Variants in ATAD3B observed in about 807,000 individuals in gnomAD.
ATAD3B encodes ATPase family AAA domain containing 3B, also known as ATPase family AAA domain-containing protein 3B.
A neutral mutation model predicts 70.2 loss-of-function variants in ATAD3B; 59 were observed. The observed-to-expected ratio is 0.84, with a 90% CI of 0.68 to 1.04. The LOEUF (loss-of-function observed/expected upper bound fraction) is 1.04. ATAD3B is among the 50% of genes least tolerant of loss of function. The pLI is 0.00. For synonymous variants in ATAD3B, 423 were observed against 388.6 expected, an observed-to-expected ratio of 1.09 and a Z score of -1.04; for missense variants, 961 against 913.4, an observed-to-expected ratio of 1.05 and a Z score of -0.67.
At chr1:1,498,314 T>C (rs1486920286), downstream of ATAD3B, among the ~76,000 whole-genome samples, 1 of 150,970 alleles carries the variant, frequency 6.6e-6, no homozygotes, top group Non-Finnish European at 1.5e-5. Flanking sequence ...AAATATAAAA[T>C]AAAAATTAGC....
chr1:1,498,185 C>G (rs1454014672), downstream of ATAD3B, among the ~76,000 whole-genome samples: 2 of 152,008 alleles, frequency 1.3e-5, no homozygotes, highest in Non-Finnish European at 2.9e-5. Context: ...TGACTGTAAT[C>G]CCAGCTACTC....
In ATAD3B at chr1:1,497,473, C is replaced by T. The variant is rs1640828495; in HGVS notation, c.*1656C>T. On this transcript the variant is annotated 3_prime_UTR_variant, in exon 16 of 16. Transcript: ENST00000673477. ...CTCCAACTCTTGGCCTCAGGAGATC[C>T]TCCCGCCTCTACAGGATGAGCCACC... is the stretch of plus-strand genomic sequence containing the variant. The T allele has an allele frequency of 6.7e-6, 1 of 149,560 alleles. No individual in the cohort carries two copies. Among genetic ancestry groups the T allele is most frequent in the Non-Finnish European group, 1.5e-5 (1 of 67,610 alleles). 9.3% of individuals were successfully genotyped at this position (149,560 alleles called of 1,614,324 possible).
chr1:1,506,339 G>A, the ATAD3B span, among the ~76,000 whole-genome samples: 1 of 151,966 alleles, frequency 6.6e-6, no homozygotes, highest in Non-Finnish European at 1.5e-5. Context: ...AAATAATTCG[G>A]GTTTTACAGG....
intron 14 of ATAD3B, 56 bp from the exon 15 acceptor site, chr1:1,490,507 C>T: frequency 1.2e-6 from 2 of 1,611,148 alleles, no homozygotes; most frequent in Non-Finnish European, 1.7e-6. Context: ...CCGGCCTCCA[C>T]CTCATGGTGT....
At chr1:1,486,274 T>A in intron 10 of ATAD3B, 39 bp downstream of exon 10, 1 of 1,611,786 alleles carries the variant, frequency 6.2e-7, no homozygotes, top group Non-Finnish European at 8.5e-7. Flanking sequence ...CAGGGGCCGC[T>A]GGGGTCTCAC....
chr1:1,484,747 C>T lies in ATAD3B; in HGVS notation c.751-269C>T, dbSNP rs1286388535. 9.1e-6 allele frequency: 8 copies of T among 882,538 alleles called. No individual in the cohort carries two copies. The African/African-American group carries it at 1.3e-4, about 15-fold the overall frequency. The allele number at this position is 882,538 out of a possible 1,614,324, so 54.7% of individuals were successfully genotyped here. A position where few individuals can be genotyped will look rare whatever the true frequency, so the allele number is the denominator to read the frequency against. ...ACATCCAGCTGGGTCTGCCCAGGGCCCCGCTCAGCGACCGAGGCTTTCTAG... is the reference window on the plus strand; with the variant it reads ...ACATCCAGCTGGGTCTGCCCAGGGCTCCGCTCAGCGACCGAGGCTTTCTAG... On this transcript the variant is annotated intron_variant, in intron 7 of 15. Coordinates refer to ENST00000673477, the MANE Select transcript of ATAD3B (RefSeq NM_031921.6).
chr1:1,485,588 G>A (rs1444793481), intron 8 of ATAD3B, among the ~76,000 whole-genome samples, 194 bp from the exon 9 acceptor site: 2 of 152,064 alleles, frequency 1.3e-5, no homozygotes, highest in Non-Finnish European at 2.9e-5. Context: ...AGCCAATAAG[G>A]AACCGGAAAA....
rs192743556 is a variant in ATAD3B, at chr1:1,491,371, A to C, written c.1614+700A>C. ...TATGTCGAAACCCCGTCTCTACTAA[A>C]AATACAAAAATTAGCTGAGTTTGGT... On this transcript the variant is annotated intron_variant, in intron 15 of 15. Transcript: ENST00000673477. 8.6e-4 allele frequency among the ~76,000 whole-genome samples: 131 copies of C among 151,966 alleles called. 1 individual carries two copies. The highest frequency in any genetic ancestry group is 3.0e-3 in the African/African-American group (124 of 41,498).
At chr1:1,480,262 G>A (rs559705554) in intron 4 of ATAD3B, among the ~76,000 whole-genome samples, 3 of 118,742 alleles carry the variant, frequency 2.5e-5, no homozygotes, top group Non-Finnish European at 4.9e-5. Flanking sequence ...GCACACACAC[G>A]CCCTGCACAC....
the ATAD3B span, among the ~76,000 whole-genome samples, chr1:1,508,880 A>T: frequency 0.019 from 2,751 of 141,432 alleles, 13 homozygotes; most frequent in African/African-American, 0.043. Flanking sequence ...CGGCTGAGAC[A>T]CGCAGAGGGT....
Position 1,486,214 on chromosome 1 carries a change from C to T in ATAD3B, c.1068C>T (p.Thr356=), listed in dbSNP as rs150265264. 460 of 1,612,898 alleles carry T rather than the reference C, an allele frequency of 2.9e-4. 7 individuals are homozygous for T. Among genetic ancestry groups the T allele is most frequent in the Non-Finnish European group, 3.1e-4 (368 of 1,179,642 alleles). Residue 356 remains threonine (T), a synonymous_variant, in exon 10 of 16, where the codon ACC becomes ACT. Transcript: ENST00000673477. ...TCCTGCTGTATGGGCCACCAGGCAC[C>T]GGGAAGACGCTGTTTGCCAAGGTGA... ...RHILLYGPPG[T]GKTLFAKKLA... is the part of the protein sequence containing the mutation.
chr1:1,477,268 C>A lies in ATAD3B; in HGVS notation c.206-6C>A. The A allele has an allele frequency of 6.2e-7, 1 of 1,612,254 alleles. No homozygotes were observed. Among genetic ancestry groups the A allele is most frequent in the Non-Finnish European group, 8.5e-7 (1 of 1,179,616 alleles). ...CACCTGCTCTCCGTGCCACATGCGC[C>A]CGCAGGTTACGCCAAGGAGGCCCTG... On this transcript the variant is annotated splice_region_variant and splice_polypyrimidine_tract_variant and intron_variant, in intron 1 of 15. Coordinates refer to ENST00000673477, the MANE Select transcript of ATAD3B (RefSeq NM_031921.6).
At chr1:1,507,508 C>T in the ATAD3B span, among the ~76,000 whole-genome samples, 18 of 152,312 alleles carry the variant, frequency 1.2e-4, no homozygotes, top group Non-Finnish European at 1.9e-4. Flanking sequence ...ACATGATTTT[C>T]GTATGAACTA....
chr1:1,497,926 G>A (rs551606289), downstream of ATAD3B: 8 of 150,146 alleles, frequency 5.3e-5, 2 homozygotes, highest in South Asian at 8.4e-4. Flanking sequence ...AACACTTTCC[G>A]AGGCCTGGGC....
chr1:1,489,601 C>T (rs1640419968), intron 13 of ATAD3B: 6 of 1,232,732 alleles, frequency 4.9e-6, no homozygotes, highest in Non-Finnish European at 6.6e-6. Flanking sequence ...CCCAGAGGTC[C>T]CCAGTAGGGT....
intron 1 of ATAD3B, among the ~76,000 whole-genome samples, chr1:1,475,805 G>A (rs1261825272): frequency 3.3e-5 from 5 of 151,416 alleles, no homozygotes; most frequent in South Asian, 4.2e-4. Context: ...GAGGCCACAC[G>A]GGCACCTGAC....
Position 1,495,636 on chromosome 1 carries a change from A to G in ATAD3B, c.1766A>G (p.Gln589Arg). 6.2e-7 allele frequency: 1 copy of G among 1,612,980 alleles called. No individual in the cohort carries two copies. Among genetic ancestry groups the G allele is most frequent in the Non-Finnish European group, 8.5e-7 (1 of 1,179,394 alleles). The change falls in exon 16 of 16, where the codon CAA becomes CGA. Residue 589 changes from glutamine to arginine, a missense_variant. By Grantham distance (43) the Gln-to-Arg change is conservative (BLOSUM62 1). Around this residue, in one of 4 missense-constraint regions of ATAD3B, gnomAD observed 417 missense variants for 335.0 expected, o/e 1.24. Transcript: ENST00000673477. The part of the protein sequence containing the change: ...RGVEHPLSGV[Q>R]GETLTSWSLA... ...GTCGAGCACCCCCTATCCGGAGTCC[A>G]AGGCGAGACCCTCACCTCATGGAGC... is the stretch of plus-strand genomic sequence containing the variant.
rs552898465 is a variant in ATAD3B, at chr1:1,487,998, A to G, written c.1266+84A>G. 170 of 1,573,912 alleles carry G rather than the reference A, an allele frequency of 1.1e-4. 4 individuals are homozygous for G. The African/African-American group carries it at 1.9e-3, about 17-fold the overall frequency. ...CATCCTGGGCCAGGCTGCAGCCCTT[A>G]AGCTGGCTTGCAGTGGCGCAATCTT... On this transcript the variant is annotated intron_variant, in intron 12 of 15. Transcript: ENST00000673477.
At chr1:1,490,034 G>A in intron 13 of ATAD3B, 1 of 1,392,062 alleles carries the variant, frequency 7.2e-7, no homozygotes, top group Non-Finnish European at 9.3e-7. Flanking sequence ...CACAGGGCAA[G>A]AACAGAGGCC....
Sources: gnomAD v4.1 joint callset for allele counts (sites outside exome capture counted in the v4.1 genomes callset) on GRCh38, gnomAD v4.1.1 for gene constraint, gnomAD v4.1.1 regional missense constraint, MANE v1.5 for transcripts, NCBI Gene and HGNC (gene_info 2026-07-23, HGNC 2026-07-21) for gene names.